Variants in LARS2 observed in about 807,000 individuals in gnomAD.
LARS2 encodes the protein leucine--tRNA ligase, mitochondrial.
LARS2 carries 81 observed loss-of-function variants against 116.6 expected under a neutral mutation model. The observed-to-expected ratio is 0.69, with a 90% CI of 0.58 to 0.84. The LOEUF (loss-of-function observed/expected upper bound fraction) is 0.84, where lower values mean the gene tolerates loss of function less well. Among genes scored for constraint, LARS2 ranks in the 40% least tolerant of loss-of-function variants. The probability of loss-of-function intolerance (pLI) is 0.00; values close to 1 mark genes in which losing one functional copy is unlikely to be tolerated. For synonymous variants in LARS2, 396 were observed against 407.2 expected, an observed-to-expected ratio of 0.97 and a Z score of 0.33; for missense variants, 968 against 1,114.5, an observed-to-expected ratio of 0.87 and a Z score of 1.87.
intron 7 of LARS2, among the ~76,000 whole-genome samples, chr3:45,457,556 TA>T (rs1699233246): frequency 1.3e-5 from 2 of 152,150 alleles, no homozygotes; most frequent in South Asian, 4.1e-4. Context: ...CACATGCCTG[TA>T]ATCCCAGCTA....
rs772521323 is a variant in LARS2 at position 45,518,041 on chromosome 3, T to C, written c.2183T>C (p.Leu728Pro). Residue 728 changes from leucine (L) to proline (P), a missense_variant, in exon 18 of 22, where the codon CTC becomes CCC. Physicochemically the swap from Leu to Pro is moderately conservative, Grantham distance 98 (BLOSUM62 -3). Coordinates refer to ENST00000645846, the MANE Select transcript of LARS2 (RefSeq NM_015340.4). The stretch of plus-strand genomic sequence containing the variant: ...AAGGAGAAAGCTGAGGCCAGGAAGC[T>C]CTGGGAGTACAAGAACTCCGTCATC... ...SNKEKAEARK[L>P]WEYKNSVISQ... 2.5e-6 allele frequency: 4 copies of C among 1,613,700 alleles called. No homozygotes were observed. The South Asian group carries it at 3.3e-5, about 13-fold the overall frequency.
chr3:45,425,216 T>C (rs1698573913), intron 6 of LARS2, among the ~76,000 whole-genome samples: 1 of 152,202 alleles, frequency 6.6e-6, no homozygotes, highest in South Asian at 2.1e-4. Context: ...TAAATGTTTT[T>C]TACAACTTTC....
chr3:45,480,761 A>G (rs1699685314), intron 10 of LARS2, among the ~76,000 whole-genome samples: 1 of 152,218 alleles, frequency 6.6e-6, no homozygotes, highest in Non-Finnish European at 1.5e-5. Flanking sequence ...CAAATCTGCT[A>G]ATATTTAAGT....
intron 3 of LARS2, among the ~76,000 whole-genome samples, chr3:45,396,297 G>C (rs1398001899): frequency 2.0e-5 from 3 of 152,246 alleles, no homozygotes; most frequent in Non-Finnish European, 4.4e-5. Flanking sequence ...AGCCTGGGCT[G>C]CAATGCTGGC....
At chr3:45,453,064 C>G (rs995710022) in intron 7 of LARS2, among the ~76,000 whole-genome samples, 19 of 152,022 alleles carry the variant, frequency 1.2e-4, no homozygotes, top group Non-Finnish European at 2.1e-4. Flanking sequence ...TCTTCTTAGT[C>G]TAGGTAAAAG....
intron 15 of LARS2, among the ~76,000 whole-genome samples, chr3:45,512,182 A>C (rs1003634398): frequency 1.3e-5 from 2 of 152,168 alleles, no homozygotes; most frequent in Non-Finnish European, 2.9e-5. Flanking sequence ...TGAGCAACCA[A>C]AGCCATGTAC....
intron 15 of LARS2, among the ~76,000 whole-genome samples, chr3:45,510,346 T>C (rs1700268921): frequency 6.6e-6 from 1 of 151,988 alleles, no homozygotes; most frequent in African/African-American, 2.4e-5. Context: ...CCCAGGAGAC[T>C]GAGGCTGCAG....
rs546073688 is a variant in LARS2, at chr3:45,459,194, G to T, written c.750+308G>T. ...ATATCAGTGATAAAGCTTTAAAAAAGAGAGAGGGGGGCCTTTAAAAAAAGA... is the reference window on the plus strand; with the variant it reads ...ATATCAGTGATAAAGCTTTAAAAAATAGAGAGGGGGGCCTTTAAAAAAAGA... On this transcript the variant is annotated intron_variant, in intron 8 of 21. Coordinates refer to ENST00000645846, the MANE Select transcript of LARS2 (RefSeq NM_015340.4). Among the ~76,000 whole-genome samples the T allele has an allele frequency of 2.8e-3, 428 of 152,268 alleles. No homozygotes were observed. Among genetic ancestry groups the T allele is most frequent in the African/African-American group, 9.9e-3 (410 of 41,520 alleles).
intron 2 of LARS2, among the ~76,000 whole-genome samples, chr3:45,392,634 T>A (rs550448578): frequency 6.6e-6 from 1 of 152,108 alleles, no homozygotes; most frequent in East Asian, 1.9e-4. Flanking sequence ...CTTTATTCTA[T>A]CCCTGAAGAA....
At chr3:45,494,408 A>T (rs1055072042) in intron 13 of LARS2, among the ~76,000 whole-genome samples, 1 of 152,194 alleles carries the variant, frequency 6.6e-6, no homozygotes, top group Non-Finnish European at 1.5e-5. Flanking sequence ...TTAGCAGAAG[A>T]TTTATCAGTT....
Position 45,395,941 on chromosome 3 carries a change from T to G in LARS2, c.234+1254T>G, listed in dbSNP as rs374943577. Among the ~76,000 whole-genome samples, 30 of 152,354 alleles carry G rather than the reference T, an allele frequency of 2.0e-4. No homozygotes were observed. The South Asian group carries it at 3.1e-3, about 16-fold the overall frequency. On this transcript the variant is annotated intron_variant, in intron 3 of 21. Coordinates refer to ENST00000645846, the MANE Select transcript of LARS2 (RefSeq NM_015340.4). Reference sequence around the variant, plus strand: ...ACCTTGTTAGGAAGTGAAAAGCCCTTGTGTCAACATCATCAGACTAATGTA... The same window carrying G: ...ACCTTGTTAGGAAGTGAAAAGCCCTGGTGTCAACATCATCAGACTAATGTA...
chr3:45,497,900 T>A (rs1700044199), intron 14 of LARS2, among the ~76,000 whole-genome samples: 2 of 148,496 alleles, frequency 1.3e-5, no homozygotes, highest in Non-Finnish European at 3.0e-5. Context: ...AAGTGAGACT[T>A]CCTCTCAAAA....
intron 15 of LARS2, among the ~76,000 whole-genome samples, chr3:45,502,864 G>C (rs766302888): frequency 1.3e-5 from 2 of 151,556 alleles, no homozygotes; most frequent in Non-Finnish European, 2.9e-5. Flanking sequence ...GTATTTTCAT[G>C]GTATCTTTTA....
chr3:45,484,637 ATATATATATATT>A (rs1478517882), intron 10 of LARS2, among the ~76,000 whole-genome samples: 2 of 88,430 alleles, frequency 2.3e-5, no homozygotes, highest in Non-Finnish European at 4.7e-5. Context: ...AAAAATATAT[ATATATATATATT>A]TAAAATAAGA....
chr3:45,471,095 C>CA (rs377498173), intron 8 of LARS2, among the ~76,000 whole-genome samples: 3,281 of 128,022 alleles, frequency 0.026, 76 homozygotes, highest in Non-Finnish European at 0.033. Context: ...ACAAAAACCC[C>CA]AAAAAAACAA....
rs537407216 is a variant in LARS2 at position 45,484,331 on chromosome 3, AC to A, written c.1019-1360del. Reference sequence around the variant, plus strand: ...ATTGTAAATTAAGTCAAGTGAACTCACTAATTGTCTACCATCTCTCATCTCT... The same window carrying A: ...ATTGTAAATTAAGTCAAGTGAACTCATAATTGTCTACCATCTCTCATCTCT... On this transcript the variant is annotated intron_variant, in intron 10 of 21. Coordinates refer to ENST00000645846, the MANE Select transcript of LARS2 (RefSeq NM_015340.4). 2.4e-4 allele frequency among the ~76,000 whole-genome samples: 37 copies of A among 151,658 alleles called. 1 individual carries two copies. In the South Asian group the frequency reaches 3.7e-3, roughly 15 times the overall value.
chr3:45,503,962 T>TAAA (rs1700161597), intron 15 of LARS2, among the ~76,000 whole-genome samples: 1 of 152,096 alleles, frequency 6.6e-6, no homozygotes. Flanking sequence ...TCCCCACGTG[T>TAAA]GTTTTTATTG....
intron 6 of LARS2, among the ~76,000 whole-genome samples, chr3:45,434,743 A>G (rs892783241): frequency 1.3e-5 from 2 of 152,206 alleles, no homozygotes; most frequent in African/African-American, 2.4e-5. Context: ...TGGCAGGTGA[A>G]AGGGGCCACT....
chr3:45,458,605 G>C, intron 7 of LARS2, 138 bp from the exon 8 acceptor site: 1 of 762,984 alleles, frequency 1.3e-6, no homozygotes, highest in Non-Finnish European at 2.1e-6. Context: ...GAGAATCACA[G>C]GAACCTAGGA....
Sources: allele counts gnomAD v4.1 joint callset (sites outside exome capture counted in the v4.1 genomes callset), GRCh38; gene constraint gnomAD v4.1.1; transcripts MANE v1.5; gene names NCBI Gene and HGNC (gene_info 2026-07-23, HGNC 2026-07-21).